Variants in PAICS observed in about 807,000 individuals in gnomAD.
The protein encoded by PAICS is bifunctional phosphoribosylaminoimidazole carboxylase/phosphoribosylaminoimidazole succinocarboxamide synthetase.
In PAICS, 33 loss-of-function variants were observed where a neutral mutation model predicts 53.7. The observed-to-expected ratio is 0.61, with a 90% CI of 0.47 to 0.82. The LOEUF (loss-of-function observed/expected upper bound fraction) is 0.82, where lower values mean the gene tolerates loss of function less well. Ranked by LOEUF, PAICS falls within the 40% of genes least tolerant of loss-of-function variation. The pLI, the probability that PAICS is intolerant of heterozygous loss-of-function variation, is 0.00. For missense variants in PAICS, 394 were observed against 494.1 expected, an observed-to-expected ratio of 0.80 and a Z score of 1.92; for synonymous variants, 141 against 167.2, an observed-to-expected ratio of 0.84 and a Z score of 1.21.
upstream of PAICS, among the ~76,000 whole-genome samples, chr4:56,433,608 G>A (rs1717722810): frequency 6.6e-6 from 1 of 151,732 alleles, no homozygotes; most frequent in Non-Finnish European, 1.5e-5. Context: ...GTGAAGTACA[G>A]TTCATACATA....
the PAICS span, among the ~76,000 whole-genome samples, chr4:56,430,199 G>C: frequency 6.6e-6 from 1 of 152,014 alleles, no homozygotes; most frequent in African/African-American, 2.4e-5. Context: ...TTGAAAAATT[G>C]CATGTCTCTC....
At chr4:56,421,354 G>GTAA in the PAICS span, 2 of 153,024 alleles carry the variant, frequency 1.3e-5, no homozygotes, top group Non-Finnish European at 2.9e-5. Flanking sequence ...ATATTACAAC[G>GTAA]TAATAATAAC....
At chr4:56,411,512 C>A in the PAICS span, among the ~76,000 whole-genome samples, 1 of 152,148 alleles carries the variant, frequency 6.6e-6, no homozygotes, top group Admixed American at 6.5e-5. Flanking sequence ...GGTTTCTTGA[C>A]GTGCTGTGTT....
chr4:56,455,597 T>G (rs1255517944), intron 8 of PAICS, among the ~76,000 whole-genome samples: 1 of 152,184 alleles, frequency 6.6e-6, no homozygotes, highest in Non-Finnish European at 1.5e-5. Context: ...AAAAGGTAAA[T>G]TTTGATACCT....
intron 1 of PAICS, 103 bp downstream of exon 1, chr4:56,436,431 A>G: frequency 2.0e-6 from 2 of 1,002,916 alleles, no homozygotes; most frequent in South Asian, 2.7e-5. Flanking sequence ...TCCCTGCAGC[A>G]GCGCCTCTAG....
At chr4:56,453,577 T>A (rs780939352) in intron 7 of PAICS, 26 bp from the exon 8 acceptor site, 1 of 1,501,012 alleles carries the variant, frequency 6.7e-7, no homozygotes, top group Admixed American at 1.9e-5. Context: ...ATGTTTAGCA[T>A]AATTATACTC....
chr4:56,419,630 A>C, the PAICS span: 2 of 975,596 alleles, frequency 2.1e-6, no homozygotes, highest in Non-Finnish European at 2.4e-6. Context: ...CTACGTCAGT[A>C]TTGGAACCCT....
intron 2 of PAICS, among the ~76,000 whole-genome samples, chr4:56,445,532 A>G (rs888186562): frequency 1.3e-5 from 2 of 152,162 alleles, no homozygotes; most frequent in African/African-American, 4.8e-5. Context: ...GGTTGCAGTG[A>G]GCCAAGATCA....
chr4:56,459,331 A>G (rs1325535520), intron 8 of PAICS, 41 bp from the exon 9 acceptor site: 1 of 1,455,908 alleles, frequency 6.9e-7, no homozygotes, highest in Non-Finnish European at 9.2e-7. Flanking sequence ...TTCATTACTA[A>G]TTGAGCTCAA....
intron 8 of PAICS, among the ~76,000 whole-genome samples, chr4:56,458,836 C>T (rs1719357389): frequency 6.6e-6 from 1 of 152,174 alleles, no homozygotes; most frequent in Non-Finnish European, 1.5e-5. Flanking sequence ...TTTTATTCTG[C>T]TGTCTTGGAT....
At chr4:56,450,504 C>A in intron 5 of PAICS, 115 bp from the exon 6 acceptor site, 1 of 609,738 alleles carries the variant, frequency 1.6e-6, no homozygotes, top group South Asian at 2.1e-5. Flanking sequence ...GATGCATTTT[C>A]AGAAGTATCC....
At chr4:56,418,959 T>C in the PAICS span, among the ~76,000 whole-genome samples, 1 of 152,246 alleles carries the variant, frequency 6.6e-6, no homozygotes, top group East Asian at 1.9e-4. Context: ...AAATACTTCA[T>C]TTAAAATGGC....
the PAICS span, among the ~76,000 whole-genome samples, chr4:56,413,578 G>A: frequency 3.3e-5 from 5 of 152,180 alleles, no homozygotes; most frequent in African/African-American, 4.8e-5. Context: ...ATGGGAAGAA[G>A]GGACTTTCCA....
chr4:56,433,961 A>G (rs1717753233), upstream of PAICS, among the ~76,000 whole-genome samples: 1 of 152,190 alleles, frequency 6.6e-6, no homozygotes, highest in Non-Finnish European at 1.5e-5. Flanking sequence ...AAGTGCTGGG[A>G]TTACAGGCGT....
In PAICS at chr4:56,446,654, T is replaced by C. The variant is rs371165175; in HGVS notation, c.215-41T>C. 9.4e-5 allele frequency: 120 copies of C among 1,270,792 alleles called. 1 individual carries two copies. The East Asian group carries it at 2.4e-3, about 25-fold the overall frequency. The allele number at this position is 1,270,792 out of a possible 1,614,324, so 78.7% of individuals were successfully genotyped here. A position where few individuals can be genotyped will look rare whatever the true frequency, so the allele number is the denominator to read the frequency against. On this transcript the variant is annotated intron_variant, in intron 2 of 8. Transcript: ENST00000512576. Reference sequence around the variant, plus strand: ...TGCCTCAGATCTACCTTTTTACATATCATTTCAATACCTTTTTTAACTTTG... The same window carrying C: ...TGCCTCAGATCTACCTTTTTACATACCATTTCAATACCTTTTTTAACTTTG...
Position 56,441,746 on chromosome 4 carries a change from C to G in PAICS, c.100C>G (p.Gln34Glu). The G allele has an allele frequency of 6.2e-7, 1 of 1,604,334 alleles. No individual in the cohort carries two copies. The highest frequency in any genetic ancestry group is 1.1e-5 in the South Asian group (1 of 89,424). Residue 34 changes from glutamine to glutamate, a missense_variant, in exon 2 of 9, where the codon CAG (glutamine) becomes GAG (glutamate). By Grantham distance (29) the Gln-to-Glu change is conservative. Coordinates refer to ENST00000512576, the MANE Select transcript of PAICS (RefSeq NM_001079524.2). Reference protein sequence around the residue: ...LLDSPGKVLLQSKDQITAGNA... With the variant: ...LLDSPGKVLLESKDQITAGNA... ...AGACAGTCCAGGAAAAGTCCTCCTG[C>G]AGTCCAAGGACCAGATTACAGCAGG...
intron 2 of PAICS, among the ~76,000 whole-genome samples, chr4:56,442,624 C>G (rs1718399328): frequency 6.6e-6 from 1 of 152,198 alleles, no homozygotes. Context: ...GATCATTCAA[C>G]CTACGAAACC....
Position 56,448,522 on chromosome 4 carries a change from T to C in PAICS, c.498T>C (p.Ser166=). 1.2e-6 allele frequency: 2 copies of C among 1,612,476 alleles called. No individual in the cohort carries two copies. Among genetic ancestry groups the C allele is most frequent in the Middle Eastern group, 1.7e-4 (1 of 6,054 alleles). ...LIGQTEVDIM[S]HATQAIFEIL... ...GCCAGACTGAAGTGGATATCATGAG[T>C]CATGCTACACAGGCTATATTTGAAA... Residue 166 remains serine (S), a synonymous_variant, in exon 4 of 9, where the codon AGT becomes AGC. Transcript: ENST00000512576.
rs1441850447 is a variant in PAICS at position 56,464,340 on chromosome 4, GTA to G, written c.*4807_*4808del. On this transcript the variant is annotated 3_prime_UTR_variant, in exon 9 of 9. Coordinates refer to ENST00000512576, the MANE Select transcript of PAICS (RefSeq NM_001079524.2). ...CAGAGGCAGACAATTTCAAAACACC[GTA>G]TATAGTCTTAATATGGAATTAACAA... is the stretch of plus-strand genomic sequence containing the variant. The G allele has an allele frequency of 1.3e-5, 2 of 152,110 alleles. No homozygotes were observed. Among genetic ancestry groups the G allele is most frequent in the African/African-American group, 2.4e-5 (1 of 41,388 alleles). 9.4% of individuals were successfully genotyped at this position (152,110 alleles called of 1,614,324 possible). A position where few individuals can be genotyped will look rare whatever the true frequency, so the allele number is the denominator to read the frequency against.
Sources: gnomAD v4.1 joint callset for allele counts (sites outside exome capture counted in the v4.1 genomes callset) on GRCh38, gnomAD v4.1.1 for gene constraint, MANE v1.5 for transcripts, NCBI Gene and HGNC (gene_info 2026-07-23, HGNC 2026-07-21) for gene names.